TRIAP1: variants seen among roughly 807,000 people sequenced by gnomAD.
TRIAP1 encodes the protein TP53 regulated inhibitor of apoptosis 1.
TRIAP1 carries 8 observed loss-of-function variants against 8.4 expected under a neutral mutation model. The ratio of observed to expected loss-of-function variants is 0.96; its 90% confidence interval spans 0.56 to 1.73. The LOEUF (loss-of-function observed/expected upper bound fraction) is 1.73. TRIAP1 is among the 40% of genes most tolerant of loss of function. The pLI is 0.00. For synonymous variants in TRIAP1, 35 were observed against 34.0 expected (o/e 1.03, Z -0.10); for missense variants, 90 against 96.9 (o/e 0.93, Z 0.30).
chr12:120,446,120 T>G (rs1877845926), intron 1 of TRIAP1, 106 bp downstream of exon 1: 3 of 1,487,988 alleles, frequency 2.0e-6, no homozygotes, highest in Non-Finnish European at 2.7e-6. Flanking sequence ...CACTGCGACT[T>G]TTCTCCACCC....
chr12:120,446,243 A>C lies in TRIAP1; in HGVS notation c.130T>G (p.Tyr44Asp). 6.2e-7 allele frequency: 1 copy of C among 1,614,098 alleles called. No homozygotes were observed. Among genetic ancestry groups the C allele is most frequent in the Non-Finnish European group, 8.5e-7 (1 of 1,179,994 alleles). Reference protein sequence around the residue: ...GDPCTDLFKRYQQCVQKAIKE... With the variant: ...GDPCTDLFKRDQQCVQKAIKE... ...GGGCTCACCTGAACACACTGCTGGTAGCGCTTGAAGAGGTCGGTGCACGGG... is the reference window on the plus strand; with the variant it reads ...GGGCTCACCTGAACACACTGCTGGTCGCGCTTGAAGAGGTCGGTGCACGGG... Residue 44 changes from tyrosine (Y) to aspartate (D), a missense_variant, in exon 1 of 2, where the codon TAC becomes GAC. Physicochemically the swap from Tyr to Asp is radical, Grantham distance 160. Transcript: ENST00000546954.
Position 120,444,870 on chromosome 12 carries a change from G to C in TRIAP1, c.*2C>G, listed in dbSNP as rs976948126. On this transcript the variant is annotated 3_prime_UTR_variant, in exon 2 of 2. Transcript: ENST00000546954. ...CGAAATCCTTCAAGGTGACTGTCAA[G>C]GTCAAGAAGAATTTTCAGGCTTTTC... is the stretch of plus-strand genomic sequence containing the variant. 1 of 1,612,282 alleles carries C rather than the reference G, an allele frequency of 6.2e-7. No individual in the cohort carries two copies. The highest frequency in any genetic ancestry group is 8.5e-7 in the Non-Finnish European group (1 of 1,178,858).
chr12:120,444,932 A>C lies in TRIAP1; in HGVS notation c.171T>G (p.Ile57Met). 1.9e-6 allele frequency: 3 copies of C among 1,613,656 alleles called. No individual in the cohort carries two copies. The highest frequency in any genetic ancestry group is 2.5e-6 in the Non-Finnish European group (3 of 1,179,778). Residue 57 changes from isoleucine to methionine, a missense_variant, in exon 2 of 2, where the codon ATT becomes ATG. Ile to Met is a conservative substitution (Grantham distance 10, BLOSUM62 1). Coordinates refer to ENST00000546954, the MANE Select transcript of TRIAP1 (RefSeq NM_016399.3). ...CCATGAACTCCAGTCCTTCAATAGG[A>C]ATCTCTTTCTCCTTTATTGCTTTCT... Reference protein sequence around the residue: ...CVQKAIKEKEIPIEGLEFMGH... With the variant: ...CVQKAIKEKEMPIEGLEFMGH...
In TRIAP1 at chr12:120,444,517, C is replaced by T. The variant is rs550924737; in HGVS notation, c.*355G>A. 1.7e-4 allele frequency: 52 copies of T among 311,350 alleles called. No homozygotes were observed. The highest frequency in any genetic ancestry group is 1.1e-3 in the African/African-American group (50 of 44,710). The allele number at this position is 311,350 out of a possible 1,614,324, so 19.3% of individuals were successfully genotyped here. ...AGTGACCCCAGTACAGTGTATATGT[C>T]TTTTGCAGCAGAAATCAAGAGGTCA... On this transcript the variant is annotated 3_prime_UTR_variant, in exon 2 of 2. Coordinates refer to ENST00000546954, the MANE Select transcript of TRIAP1 (RefSeq NM_016399.3).
chr12:120,445,020 A>G, intron 1 of TRIAP1, 65 bp from the exon 2 acceptor site: 1 of 1,164,930 alleles, frequency 8.6e-7, no homozygotes, highest in Non-Finnish European at 1.3e-6. Context: ...CTTTGTAAAT[A>G]AAATATGACA....
chr12:120,446,369 T>A lies in TRIAP1; in HGVS notation c.4A>T (p.Asn2Tyr). Reference protein sequence around the residue: MNSVGEACTDMK... With the variant: MYSVGEACTDMK... ...TCCGTGCATGCCTCCCCCACACTGT[T>A]CATGGCGACAGTGGTGGCGGCGGCG... The change falls in exon 1 of 2, where the codon AAC becomes TAC. Residue 2 changes from asparagine to tyrosine, a missense_variant. Transcript: ENST00000546954. 6.2e-7 allele frequency: 1 copy of A among 1,613,396 alleles called. No homozygotes were observed. Among genetic ancestry groups the A allele is most frequent in the Non-Finnish European group, 8.5e-7 (1 of 1,179,380 alleles).
At position 120,446,301 on chromosome 12, in the gene TRIAP1, G is replaced by A; in HGVS notation, c.72C>T (p.Ala24=). The change falls in exon 1 of 2, where the codon GCC becomes GCT. Residue 24 remains alanine, a synonymous_variant. Transcript: ENST00000546954. The part of the protein sequence containing the change: ...EYDQCFNRWF[A]EKFLKGDSSG... ...AGCTGTCCCCCTTGAGAAATTTCTC[G>A]GCGAACCAGCGATTGAAGCACTGGT... 6.2e-7 allele frequency: 1 copy of A among 1,614,174 alleles called. No individual in the cohort carries two copies. The highest frequency in any genetic ancestry group is 8.5e-7 in the Non-Finnish European group (1 of 1,180,044).
chr12:120,444,813 C>T lies in TRIAP1; in HGVS notation c.*59G>A. The T allele has an allele frequency of 7.2e-7, 1 of 1,387,314 alleles. No individual in the cohort carries two copies. Among genetic ancestry groups the T allele is most frequent in the Admixed American group, 1.8e-5 (1 of 56,962 alleles). The allele number at this position is 1,387,314 out of a possible 1,614,324, so 85.9% of individuals were successfully genotyped here. On this transcript the variant is annotated 3_prime_UTR_variant, in exon 2 of 2. Transcript: ENST00000546954. ...TGGCTATGTTCACAGAGTTAGTTGA[C>T]AAAAATCCAGAGTCCTCAATTTCTG... is the stretch of plus-strand genomic sequence containing the variant.
In TRIAP1 at chr12:120,444,850, T is replaced by C; in HGVS notation, c.*22A>G. The C allele has an allele frequency of 6.2e-7, 1 of 1,602,908 alleles. No individual in the cohort carries two copies. The highest frequency in any genetic ancestry group is 1.7e-4 in the Middle Eastern group (1 of 6,038). ...GTCCTCAATTTCTGGACTTGCGAAA[T>C]CCTTCAAGGTGACTGTCAAGGTCAA... On this transcript the variant is annotated 3_prime_UTR_variant, in exon 2 of 2. Coordinates refer to ENST00000546954, the MANE Select transcript of TRIAP1 (RefSeq NM_016399.3).
chr12:120,445,262 A>G (rs998128882), intron 1 of TRIAP1, among the ~76,000 whole-genome samples: 3 of 152,168 alleles, frequency 2.0e-5, no homozygotes, highest in Admixed American at 2.0e-4. Flanking sequence ...ATGGTGGCGC[A>G]TGCCTGTAAG....
At chr12:120,445,411 A>G (rs1275071757) in intron 1 of TRIAP1, among the ~76,000 whole-genome samples, 2 of 152,212 alleles carry the variant, frequency 1.3e-5, no homozygotes, top group African/African-American at 2.4e-5. Context: ...AAAAACCAGA[A>G]GTACCATAAT....
rs146035867 is a variant in TRIAP1 at position 120,445,128 on chromosome 12, C to T, written c.148-173G>A. ...AGTACCGGTCAGGTGTGGTGGCTCA[C>T]GCCTATAATCGCAGCATTTTGGGAG... is the stretch of plus-strand genomic sequence containing the variant. On this transcript the variant is annotated intron_variant, in intron 1 of 1. Transcript: ENST00000546954. 5.9e-4 allele frequency among the ~76,000 whole-genome samples: 90 copies of T among 152,366 alleles called. 2 individuals carry two copies. In the South Asian group the frequency reaches 0.018, roughly 30 times the overall value.
At position 120,444,781 on chromosome 12, in the gene TRIAP1, A is replaced by G. The variant is rs1877806498; in HGVS notation, c.*91T>C. ...CTCCTCTCTCCTAAGTTCCTCATCA[A>G]ATCTGATGGCTATGTTCACAGAGTT... On this transcript the variant is annotated 3_prime_UTR_variant, in exon 2 of 2. Coordinates refer to ENST00000546954, the MANE Select transcript of TRIAP1 (RefSeq NM_016399.3). 1 of 969,910 alleles carries G rather than the reference A, an allele frequency of 1.0e-6. No homozygotes were observed. The highest frequency in any genetic ancestry group is 2.0e-5 in the Admixed American group (1 of 50,692). The allele number at this position is 969,910 out of a possible 1,614,324, so 60.1% of individuals were successfully genotyped here. A position where few individuals can be genotyped will look rare whatever the true frequency, so the allele number is the denominator to read the frequency against.
intron 1 of TRIAP1, 139 bp from the exon 2 acceptor site, chr12:120,445,094 TA>T (rs1565911184): frequency 8.8e-6 from 6 of 682,172 alleles, no homozygotes; most frequent in African/African-American, 7.3e-5. Flanking sequence ...ACATACTTTT[TA>T]AAAAACAAGT....
Position 120,444,094 on chromosome 12 carries a change from G to A in TRIAP1, c.*778C>T, listed in dbSNP as rs1430585818. On this transcript the variant is annotated 3_prime_UTR_variant, in exon 2 of 2. Coordinates refer to ENST00000546954, the MANE Select transcript of TRIAP1 (RefSeq NM_016399.3). ...CTACCCCGACATTTAACCAGATGCA[G>A]CATTTTGACATTTTTAGGATATGCA... 1 of 152,218 alleles carries A rather than the reference G, an allele frequency of 6.6e-6. No homozygotes were observed. 9.4% of individuals were successfully genotyped at this position (152,218 alleles called of 1,614,324 possible).
rs144712059 is a variant in TRIAP1 at position 120,444,524 on chromosome 12, A to C, written c.*348T>G. The C allele has an allele frequency of 6.4e-6, 2 of 313,424 alleles. No individual in the cohort carries two copies. The highest frequency in any genetic ancestry group is 1.2e-5 in the Non-Finnish European group (2 of 164,926). 19.4% of individuals were successfully genotyped at this position (313,424 alleles called of 1,614,324 possible). ...CCAGTACAGTGTATATGTCTTTTGCAGCAGAAATCAAGAGGTCAGGCAGCT... is the reference window on the plus strand; with the variant it reads ...CCAGTACAGTGTATATGTCTTTTGCCGCAGAAATCAAGAGGTCAGGCAGCT... On this transcript the variant is annotated 3_prime_UTR_variant, in exon 2 of 2. Coordinates refer to ENST00000546954, the MANE Select transcript of TRIAP1 (RefSeq NM_016399.3).
At chr12:120,445,105 T>C in intron 1 of TRIAP1, 150 bp from the exon 2 acceptor site, 1 of 639,750 alleles carries the variant, frequency 1.6e-6, no homozygotes, top group South Asian at 2.0e-5. Context: ...AAAAAACAAG[T>C]ACCGGTCAGG....
At chr12:120,446,192 T>A (rs1180390995) in intron 1 of TRIAP1, 34 bp downstream of exon 1, 1 of 1,610,108 alleles carries the variant, frequency 6.2e-7, no homozygotes, top group Admixed American at 1.7e-5. Context: ...GCGCCGAGAA[T>A]GCAGGGCCTG....
At chr12:120,445,050 C>A (rs1042832735) in intron 1 of TRIAP1, 95 bp from the exon 2 acceptor site, 3 of 915,152 alleles carry the variant, frequency 3.3e-6, no homozygotes, top group Non-Finnish European at 3.4e-6. Context: ...TAAAATCAAG[C>A]TGATTATAAA....
Sources: allele counts gnomAD v4.1 joint callset (sites outside exome capture counted in the v4.1 genomes callset), GRCh38; gene constraint gnomAD v4.1.1; transcripts MANE v1.5; gene names NCBI Gene and HGNC (gene_info 2026-07-23, HGNC 2026-07-21).